The following PLLP variants were observed in gnomAD, a reference collection of about 807,000 sequenced individuals.
The protein encoded by PLLP is plasma membrane proteolipid (plasmolipin).
PLLP carries 15 observed loss-of-function variants against 19.7 expected under a neutral mutation model. The ratio of observed to expected loss-of-function variants is 0.76; its 90% CI spans 0.51 to 1.17. The LOEUF is 1.17. PLLP is among the 50% of genes most tolerant of loss of function. PLLP has a pLI of 0.00. For synonymous variants in PLLP, 111 were observed against 116.3 expected, an observed-to-expected ratio of 0.95 and a Z score of 0.29; for missense variants, 255 against 258.3, an observed-to-expected ratio of 0.99 and a Z score of 0.09.
intron 2 of PLLP, among the ~76,000 whole-genome samples, chr16:57,260,513 G>A (rs756187147): frequency 6.6e-6 from 1 of 152,132 alleles, no homozygotes; most frequent in Non-Finnish European, 1.5e-5. Flanking sequence ...GGGATGTCGA[G>A]ATCTAACAAA....
Position 57,258,598 on chromosome 16 carries a change from G to A in PLLP, c.310-14C>T. The A allele has an allele frequency of 6.2e-7, 1 of 1,612,038 alleles. No homozygotes were observed. Among genetic ancestry groups the A allele is most frequent in the Middle Eastern group, 1.7e-4 (1 of 5,866 alleles). On this transcript the variant is annotated splice_polypyrimidine_tract_variant and intron_variant, in intron 2 of 3. Coordinates refer to ENST00000219207, the MANE Select transcript of PLLP (RefSeq NM_015993.3). ...AAAGATCATTAACTGCAGGACATGG[G>A]GGTAGGGAGTGGGGAGAGAAAAGGC... is the stretch of plus-strand genomic sequence containing the variant.
At chr16:57,274,524 C>T (rs1468097844) in intron 1 of PLLP, among the ~76,000 whole-genome samples, 1 of 151,958 alleles carries the variant, frequency 6.6e-6, no homozygotes, top group Non-Finnish European at 1.5e-5. Context: ...ACAATCTTGG[C>T]TCACTGCAAC....
chr16:57,259,183 C>T (rs1198882419), intron 2 of PLLP, among the ~76,000 whole-genome samples: 1 of 152,140 alleles, frequency 6.6e-6, no homozygotes, highest in Non-Finnish European at 1.5e-5. Flanking sequence ...GGGGTAGTGG[C>T]AGTGCCAGAC....
At chr16:57,270,727 G>A (rs2146445263) in intron 1 of PLLP, among the ~76,000 whole-genome samples, 1 of 152,066 alleles carries the variant, frequency 6.6e-6, no homozygotes, top group Non-Finnish European at 1.5e-5. Context: ...TGAGAGGGAG[G>A]GCACCTTGGA....
At chr16:57,276,329 T>C (rs1386147652) in intron 1 of PLLP, among the ~76,000 whole-genome samples, 2 of 152,146 alleles carry the variant, frequency 1.3e-5, no homozygotes, top group Non-Finnish European at 2.9e-5. Context: ...TCATGGCTCA[T>C]GCCTATAATC....
chr16:57,266,093 G>A (rs1365170084), intron 1 of PLLP, among the ~76,000 whole-genome samples: 9 of 152,264 alleles, frequency 5.9e-5, no homozygotes, highest in African/African-American at 1.4e-4. Flanking sequence ...TGGAACCTGC[G>A]CTACTATGAG....
At chr16:57,279,779 C>T (rs1312220148) in intron 1 of PLLP, among the ~76,000 whole-genome samples, 1 of 152,174 alleles carries the variant, frequency 6.6e-6, no homozygotes, top group African/African-American at 2.4e-5. Flanking sequence ...CTCAAGCAAT[C>T]TTCCTACCTC....
Position 57,271,250 on chromosome 16 carries a change from C to G in PLLP, c.136-9180G>C, listed in dbSNP as rs980139111. Among the ~76,000 whole-genome samples the G allele has an allele frequency of 7.9e-5, 12 of 152,300 alleles. No homozygotes were observed. The South Asian group carries it at 2.5e-3, about 32-fold the overall frequency. On this transcript the variant is annotated intron_variant, in intron 1 of 3. Coordinates refer to ENST00000219207, the MANE Select transcript of PLLP (RefSeq NM_015993.3). ...ACCCCCAGCAAGGTCCTGCAGCCCCCACGTGTACTTGCAGCCAAGGAGCCA... is the reference window on the plus strand; with the variant it reads ...ACCCCCAGCAAGGTCCTGCAGCCCCGACGTGTACTTGCAGCCAAGGAGCCA...
In PLLP at chr16:57,262,022, G is replaced by A. The variant is rs2075443509; in HGVS notation, c.184C>T (p.Leu62=). 7 of 1,614,224 alleles carry A rather than the reference G, an allele frequency of 4.3e-6. No individual in the cohort carries two copies. In the East Asian group the frequency reaches 1.3e-4, roughly 31 times the overall value. The change falls in exon 2 of 4, where the codon CTG becomes TTG. Residue 62 remains leucine, a synonymous_variant. Coordinates refer to ENST00000219207, the MANE Select transcript of PLLP (RefSeq NM_015993.3). The part of the protein sequence containing the change: ...WALIADTPYH[L]YPAYGWVMFV... ...ATCACCCAGCCATAGGCCGGATACA[G>A]GTGGTACGGGGTGTCCGCAATCAGC... is the stretch of plus-strand genomic sequence containing the variant.
At chr16:57,276,832 A>C (rs1901160300) in intron 1 of PLLP, among the ~76,000 whole-genome samples, 1 of 151,848 alleles carries the variant, frequency 6.6e-6, no homozygotes, top group African/African-American at 2.4e-5. Context: ...CAGTAGTCCC[A>C]CTCCTGGAAA....
chr16:57,276,747 G>A (rs1302264650), intron 1 of PLLP, among the ~76,000 whole-genome samples: 13 of 152,178 alleles, frequency 8.5e-5, no homozygotes. Flanking sequence ...GCTGTTGCAG[G>A]CAGGAAGGGT....
chr16:57,268,490 T>C (rs1414555574), intron 1 of PLLP, among the ~76,000 whole-genome samples: 1 of 152,014 alleles, frequency 6.6e-6, no homozygotes, highest in African/African-American at 2.4e-5. Flanking sequence ...CTAGGGTGGT[T>C]TTGTTTTGTT....
intron 1 of PLLP, among the ~76,000 whole-genome samples, chr16:57,274,789 T>G (rs975611610): frequency 1.3e-5 from 2 of 148,360 alleles, no homozygotes; most frequent in African/African-American, 2.5e-5. Flanking sequence ...TGAGATGGAG[T>G]CTTGCTCTGT....
At chr16:57,271,185 C>A (rs2075473953) in intron 1 of PLLP, among the ~76,000 whole-genome samples, 1 of 151,524 alleles carries the variant, frequency 6.6e-6, no homozygotes, top group African/African-American at 2.4e-5. Flanking sequence ...GAAGAAGTTG[C>A]AGCACACCTA....
At position 57,258,557 on chromosome 16, in the gene PLLP, C is replaced by T. The variant is rs367720602; in HGVS notation, c.337G>A (p.Val113Ile). The change falls in exon 3 of 4, where the codon GTT becomes ATT. Residue 113 changes from valine (V) to isoleucine (I), a missense_variant. Physicochemically the swap from Val to Ile is conservative, Grantham distance 29. Coordinates refer to ENST00000219207, the MANE Select transcript of PLLP (RefSeq NM_015993.3). ...GCGATGAAGGCGGTGATGTAGAGAA[C>T]GGTGGCGCTGATGTTAAAGATCATT... Reference protein sequence around the residue: ...VLMIFNISATVLYITAFIACS... With the variant: ...VLMIFNISATILYITAFIACS... 3.3e-5 allele frequency: 54 copies of T among 1,613,260 alleles called. No individual in the cohort carries two copies. Among genetic ancestry groups the T allele is most frequent in the South Asian group, 2.3e-4 (21 of 91,064 alleles).
At chr16:57,280,438 G>A (rs1012225255) in intron 1 of PLLP, among the ~76,000 whole-genome samples, 39 of 151,694 alleles carry the variant, frequency 2.6e-4, no homozygotes, top group African/African-American at 8.5e-4. Flanking sequence ...AAATAACCAC[G>A]CCTTCTGCAT....
chr16:57,260,319 T>G (rs1020711310), intron 2 of PLLP, among the ~76,000 whole-genome samples: 10 of 152,208 alleles, frequency 6.6e-5, no homozygotes, highest in Admixed American at 5.2e-4. Flanking sequence ...CAGCCACGGC[T>G]GGAGCCCCAA....
chr16:57,257,958 C>T (rs2075431016), intron 3 of PLLP, among the ~76,000 whole-genome samples: 1 of 152,068 alleles, frequency 6.6e-6, no homozygotes, highest in Non-Finnish European at 1.5e-5. Context: ...GCGAGTGGAT[C>T]ACCTGAGGTC....
intron 1 of PLLP, among the ~76,000 whole-genome samples, chr16:57,267,561 C>CT (rs2075461466): frequency 6.8e-6 from 1 of 146,620 alleles, no homozygotes; most frequent in Admixed American, 6.8e-5. Context: ...GAGTGGGACT[C>CT]TGTCTCAGAA....
Sources: allele counts gnomAD v4.1 joint callset (sites outside exome capture counted in the v4.1 genomes callset), GRCh38; gene constraint gnomAD v4.1.1; transcripts MANE v1.5; gene names NCBI Gene and HGNC (gene_info 2026-07-23, HGNC 2026-07-21).